Variants in FRY observed in about 807,000 individuals in gnomAD.
The protein encoded by FRY is FRY microtubule binding protein.
Under a neutral mutation model 348.4 loss-of-function variants are expected in FRY, and 128 were observed. The ratio of observed to expected loss-of-function variants is 0.37; its 90% CI spans 0.32 to 0.43. The LOEUF (loss-of-function observed/expected upper bound fraction) is 0.43, where lower values mean the gene tolerates loss of function less well. Ranked by LOEUF, FRY falls within the 20% of genes least tolerant of loss-of-function variation. The pLI, the probability that FRY is intolerant of heterozygous loss-of-function variation, is 1.00. For synonymous variants in FRY, 1,370 were observed against 1,374.7 expected, an observed-to-expected ratio of 1.00 and a Z score of 0.08; for missense variants, 2,736 against 3,695.2, an observed-to-expected ratio of 0.74 and a Z score of 6.73.
Position 32,299,024 on chromosome 13 carries a change from C to T in FRY, c.*3564C>T, listed in dbSNP as rs2072108095. 1 of 152,208 alleles carries T rather than the reference C, an allele frequency of 6.6e-6. No homozygotes were observed. Among genetic ancestry groups the T allele is most frequent in the African/African-American group, 2.4e-5 (1 of 41,460 alleles). 9.4% of individuals were successfully genotyped at this position (152,208 alleles called of 1,614,324 possible). Reference sequence around the variant, plus strand: ...CAAAAGTTCCGTTGTGGTGGTTATACAGCATTGTGAATGTACTTAATGCCA... The same window carrying T: ...CAAAAGTTCCGTTGTGGTGGTTATATAGCATTGTGAATGTACTTAATGCCA... On this transcript the variant is annotated 3_prime_UTR_variant, in exon 61 of 61. Coordinates refer to ENST00000542859, the MANE Select transcript of FRY (RefSeq NM_023037.3).
intron 1 of FRY, chr13:32,061,104 T>TG (rs1188103881): frequency 1.9e-6 from 1 of 533,336 alleles, no homozygotes. Flanking sequence ...TTCAGGCTCA[T>TG]GGAGATTACA....
chr13:32,042,725 A>G (rs1428847083), intron 1 of FRY, among the ~76,000 whole-genome samples: 4 of 152,364 alleles, frequency 2.6e-5, no homozygotes, highest in African/African-American at 9.6e-5. Flanking sequence ...TAAAGGTCTC[A>G]GCAAACTTCC....
intron 22 of FRY, 61 bp downstream of exon 22, chr13:32,179,094 G>A: frequency 1.5e-6 from 2 of 1,339,756 alleles, no homozygotes; most frequent in Middle Eastern, 1.8e-4. Flanking sequence ...TGTTTGTCTA[G>A]AGTTCACAGT....
intron 28 of FRY, among the ~76,000 whole-genome samples, chr13:32,189,653 G>A (rs1179393627): frequency 6.6e-6 from 1 of 151,890 alleles, no homozygotes; most frequent in Non-Finnish European, 1.5e-5. Context: ...TCTTTAAAGT[G>A]TTAAAAAAAA....
chr13:32,159,931 C>T (rs1324555331), intron 16 of FRY, among the ~76,000 whole-genome samples: 1 of 152,156 alleles, frequency 6.6e-6, no homozygotes, highest in African/African-American at 2.4e-5. Context: ...TCCTCAACAG[C>T]TCGTGCAAAA....
rs187320807 is a variant in FRY, at chr13:32,063,314, C to T, written c.71-15520C>T. ...ATCACCATGGTGTTCTTCTCTTGCC[C>T]TTGGTGTTTGACTTAAATATGATTC... is the stretch of plus-strand genomic sequence containing the variant. On this transcript the variant is annotated intron_variant, in intron 1 of 60. Coordinates refer to ENST00000542859, the MANE Select transcript of FRY (RefSeq NM_023037.3). Among the ~76,000 whole-genome samples, 179 of 152,262 alleles carry T rather than the reference C, an allele frequency of 1.2e-3. 3 individuals are homozygous for T. The highest frequency in any genetic ancestry group is 9.0e-3 in the Admixed American group (137 of 15,292).
chr13:32,107,709 A>G (rs1421309104), intron 3 of FRY, among the ~76,000 whole-genome samples: 1 of 152,174 alleles, frequency 6.6e-6, no homozygotes, highest in Non-Finnish European at 1.5e-5. Context: ...ACCGCAGACT[A>G]GTAAGTAAGC....
chr13:32,242,392 A>G (rs1201686688), intron 46 of FRY, among the ~76,000 whole-genome samples: 3 of 152,120 alleles, frequency 2.0e-5, no homozygotes, highest in Admixed American at 1.3e-4. Context: ...CTGTATCCCC[A>G]CTAAATTTTG....
intron 51 of FRY, among the ~76,000 whole-genome samples, chr13:32,261,045 T>C (rs968252072): frequency 5.3e-5 from 8 of 152,248 alleles, no homozygotes; most frequent in African/African-American, 1.9e-4. Flanking sequence ...TAGTGCATGA[T>C]CCATCAGACT....
chr13:32,071,124 A>G (rs879869265), intron 1 of FRY, among the ~76,000 whole-genome samples: 1 of 152,162 alleles, frequency 6.6e-6, no homozygotes, highest in Admixed American at 6.5e-5. Context: ...GCCTTGTAAT[A>G]TAGTTTGAAG....
rs759827217 is a variant in FRY, at chr13:32,236,182, A to G, written c.5810+10A>G. 5.1e-6 allele frequency: 8 copies of G among 1,583,142 alleles called. No individual in the cohort carries two copies. In the South Asian group the frequency reaches 8.8e-5, roughly 17 times the overall value. ...TAACTGTATTGTCCCGGTGAGAATC[A>G]GCTTAATGATACTTTGACATCAAGT... On this transcript the variant is annotated intron_variant, in intron 43 of 60. Coordinates refer to ENST00000542859, the MANE Select transcript of FRY (RefSeq NM_023037.3).
intron 29 of FRY, among the ~76,000 whole-genome samples, chr13:32,195,757 G>T (rs577871522): frequency 4.6e-5 from 7 of 152,214 alleles, no homozygotes; most frequent in Admixed American, 3.3e-4. Context: ...TATGTTCCAA[G>T]TATTTTTTTA....
chr13:32,172,764 A>C (rs1413798311), intron 18 of FRY, among the ~76,000 whole-genome samples: 1 of 152,196 alleles, frequency 6.6e-6, no homozygotes, highest in Non-Finnish European at 1.5e-5. Context: ...TGTTGTAGAC[A>C]TGCCAACACG....
At chr13:32,095,105 T>G (rs1227105967) in intron 2 of FRY, among the ~76,000 whole-genome samples, 1 of 152,212 alleles carries the variant, frequency 6.6e-6, no homozygotes, top group African/African-American at 2.4e-5. Flanking sequence ...TGATCAGTGA[T>G]GTTGAGCACC....
At chr13:32,156,738 TGG>T (rs1881143711) in intron 15 of FRY, among the ~76,000 whole-genome samples, 1 of 152,156 alleles carries the variant, frequency 6.6e-6, no homozygotes, top group South Asian at 2.1e-4. Context: ...TCTTCCAGTG[TGG>T]GACATCAACA....
At chr13:32,046,319 G>T (rs1873013770) in intron 1 of FRY, among the ~76,000 whole-genome samples, 1 of 152,152 alleles carries the variant, frequency 6.6e-6, no homozygotes, top group African/African-American at 2.4e-5. Flanking sequence ...TGAAGTTCTT[G>T]CTATTGACCC....
intron 2 of FRY, among the ~76,000 whole-genome samples, chr13:32,097,206 T>C (rs1490984425): frequency 6.6e-6 from 1 of 152,136 alleles, no homozygotes; most frequent in Non-Finnish European, 1.5e-5. Flanking sequence ...GCTCCCACTA[T>C]GTGAACTCCT....
At chr13:32,066,093 T>C (rs1404576230) in intron 1 of FRY, among the ~76,000 whole-genome samples, 1 of 152,228 alleles carries the variant, frequency 6.6e-6, no homozygotes, top group African/African-American at 2.4e-5. Context: ...AAGTTTTTTA[T>C]AATCCTAAAA....
chr13:32,262,483 G>T lies in FRY; in HGVS notation c.7779+8G>T, dbSNP rs1887705717. 6 of 1,605,206 alleles carry T rather than the reference G, an allele frequency of 3.7e-6. No homozygotes were observed. Among genetic ancestry groups the T allele is most frequent in the Admixed American group, 1.7e-5 (1 of 59,972 alleles). On this transcript the variant is annotated splice_region_variant and intron_variant, in intron 53 of 60. Transcript: ENST00000542859. ...ATTTCTGAGGGTTCAAAGGTGAAGA[G>T]ATTTTAACAATGATGATTTGTACTT...
Sources: gnomAD v4.1 joint callset for allele counts (sites outside exome capture counted in the v4.1 genomes callset) on GRCh38, gnomAD v4.1.1 for gene constraint, MANE v1.5 for transcripts, NCBI Gene and HGNC (gene_info 2026-07-23, HGNC 2026-07-21) for gene names.